KIF13A: variants seen among roughly 807,000 people sequenced by gnomAD.
KIF13A encodes the protein kinesin-like protein KIF13A.
KIF13A carries 79 observed loss-of-function variants against 212.2 expected under a neutral mutation model. That is an observed-to-expected ratio of 0.37 (90% CI 0.31 to 0.45). The LOEUF (loss-of-function observed/expected upper bound fraction) is 0.45, where lower values mean the gene tolerates loss of function less well. Ranked by LOEUF, KIF13A falls within the 20% of genes least tolerant of loss-of-function variation. The probability of loss-of-function intolerance (pLI) is 1.00; values close to 1 mark genes in which losing one functional copy is unlikely to be tolerated. For missense variants in KIF13A, 1,901 were observed against 2,209.0 expected, an observed-to-expected ratio of 0.86 and a Z score of 2.79; for synonymous variants, 789 against 808.6, an observed-to-expected ratio of 0.98 and a Z score of 0.41.
intron 18 of KIF13A, among the ~76,000 whole-genome samples, chr6:17,806,748 G>T: frequency 6.6e-6 from 1 of 151,956 alleles, no homozygotes; most frequent in East Asian, 1.9e-4. Context: ...GTGTGGTGGC[G>T]CATGCCTGTA....
At chr6:17,765,776 ATT>A (rs1306936652) in intron 38 of KIF13A, among the ~76,000 whole-genome samples, 2 of 152,226 alleles carry the variant, frequency 1.3e-5, no homozygotes, top group African/African-American at 4.8e-5. Flanking sequence ...AAATGTGGGT[ATT>A]TTAAGTCCAA....
intron 2 of KIF13A, among the ~76,000 whole-genome samples, chr6:17,986,557 T>G (rs749414067): frequency 6.6e-6 from 1 of 152,218 alleles, no homozygotes; most frequent in African/African-American, 2.4e-5. Flanking sequence ...CCAGCCTGAG[T>G]CTACATCGTA....
intron 3 of KIF13A, among the ~76,000 whole-genome samples, chr6:17,896,487 C>G (rs958117353): frequency 5.9e-5 from 9 of 152,296 alleles, no homozygotes; most frequent in Admixed American, 1.3e-4. Context: ...CCTATATCTA[C>G]TTTGTGTCCA....
At chr6:17,761,136 C>G (rs1383710876), downstream of KIF13A, among the ~76,000 whole-genome samples, 2 of 152,170 alleles carry the variant, frequency 1.3e-5, no homozygotes, top group African/African-American at 4.8e-5. Flanking sequence ...GATGTGCAGT[C>G]TAAGTCATTT....
intron 2 of KIF13A, among the ~76,000 whole-genome samples, chr6:17,959,372 A>C (rs1778624829): frequency 6.6e-6 from 1 of 152,330 alleles, no homozygotes; most frequent in South Asian, 2.1e-4. Context: ...TACTTACACT[A>C]CATTATGTTT....
chr6:17,760,903 A>T (rs373335964), downstream of KIF13A: 47 of 1,613,226 alleles, frequency 2.9e-5, no homozygotes, highest in East Asian at 8.2e-4. Context: ...TGGTGAGTTC[A>T]TGCTTCTCAT....
At chr6:17,941,731 G>A (rs548288000) in intron 2 of KIF13A, among the ~76,000 whole-genome samples, 1 of 150,748 alleles carries the variant, frequency 6.6e-6, no homozygotes, top group African/African-American at 2.4e-5. Flanking sequence ...TACCCATGTT[G>A]AAGGCACCCA....
chr6:17,858,973 T>G (rs532264364), intron 4 of KIF13A, among the ~76,000 whole-genome samples: 9 of 152,346 alleles, frequency 5.9e-5, no homozygotes, highest in Admixed American at 3.9e-4. Flanking sequence ...GAGATTTTAT[T>G]ATGGCTTCTG....
chr6:17,840,011 C>T (rs1324528802), intron 9 of KIF13A, among the ~76,000 whole-genome samples: 1 of 152,060 alleles, frequency 6.6e-6, no homozygotes, highest in Admixed American at 6.6e-5. Context: ...TGTATGATTC[C>T]ATTTATATGA....
In KIF13A at chr6:17,915,242, G is replaced by A. The variant is rs922235350; in HGVS notation, c.147-17062C>T. ...CGGCCTTTTATGAGAGTCAGTCCAGGAGCAGGGATGCAGAAGCCAGACTGC... is the reference window on the plus strand; with the variant it reads ...CGGCCTTTTATGAGAGTCAGTCCAGAAGCAGGGATGCAGAAGCCAGACTGC... On this transcript the variant is annotated intron_variant, in intron 2 of 38. Transcript: ENST00000259711. This position sits in a 1 kb window ranked among gnomAD's most constrained non-coding sequence, Gnocchi z 4.4. Among the ~76,000 whole-genome samples, 4 of 152,144 alleles carry A rather than the reference G, an allele frequency of 2.6e-5. No individual in the cohort carries two copies. The highest frequency in any genetic ancestry group is 9.7e-5 in the African/African-American group (4 of 41,410).
At chr6:17,808,258 C>A (rs751258382) in intron 18 of KIF13A, among the ~76,000 whole-genome samples, 9 of 152,068 alleles carry the variant, frequency 5.9e-5, no homozygotes, top group Non-Finnish European at 1.3e-4. Context: ...TGCTAGTGCG[C>A]GCCTGTAATC....
intron 2 of KIF13A, among the ~76,000 whole-genome samples, chr6:17,942,256 C>G (rs995167610): frequency 2.6e-5 from 4 of 151,756 alleles, no homozygotes; most frequent in African/African-American, 9.7e-5. Flanking sequence ...GAACCATGAT[C>G]ATGCCACTGC....
chr6:17,855,176 A>C lies in KIF13A; in HGVS notation c.494+261T>G, dbSNP rs1768026552. Among the ~76,000 whole-genome samples the C allele has an allele frequency of 6.6e-6, 1 of 152,116 alleles. No individual in the cohort carries two copies. The highest frequency in any genetic ancestry group is 2.1e-4 in the South Asian group (1 of 4,820). Reference sequence around the variant, plus strand: ...GTTATTCCTAACTCAATTTTTGTGAATAGTTCATGGTGGCAAAAAAAAATA... The same window carrying C: ...GTTATTCCTAACTCAATTTTTGTGACTAGTTCATGGTGGCAAAAAAAAATA... On this transcript the variant is annotated intron_variant, in intron 6 of 38. Coordinates refer to ENST00000259711, the MANE Select transcript of KIF13A (RefSeq NM_022113.6). The surrounding 1 kb of genome is among the most constrained non-coding windows in gnomAD (Gnocchi z 4.1).
chr6:17,862,856 G>C (rs1363353112), intron 4 of KIF13A, among the ~76,000 whole-genome samples: 3 of 152,308 alleles, frequency 2.0e-5, no homozygotes, highest in South Asian at 4.1e-4. Context: ...GCTGAGGCAG[G>C]AGAATGGCGT....
chr6:17,938,931 C>T (rs1318016663), intron 2 of KIF13A, among the ~76,000 whole-genome samples: 1 of 151,342 alleles, frequency 6.6e-6, no homozygotes, highest in Non-Finnish European at 1.5e-5. Flanking sequence ...GCCAACCAAT[C>T]TCATGAAATT....
intron 12 of KIF13A, among the ~76,000 whole-genome samples, chr6:17,832,283 A>G (rs1373817892): frequency 6.6e-6 from 1 of 152,204 alleles, no homozygotes; most frequent in Non-Finnish European, 1.5e-5. Context: ...AACTTAAGTA[A>G]AAGTTAAAAT....
intron 2 of KIF13A, among the ~76,000 whole-genome samples, chr6:17,975,628 T>C (rs11753142): frequency 3.9e-5 from 6 of 152,094 alleles, no homozygotes; most frequent in Non-Finnish European, 7.4e-5. Flanking sequence ...TTCTCTTATC[T>C]GGCCCCACCC....
chr6:17,920,182 G>A (rs1053256071), intron 2 of KIF13A, among the ~76,000 whole-genome samples: 1 of 152,084 alleles, frequency 6.6e-6, no homozygotes, highest in Non-Finnish European at 1.5e-5. Flanking sequence ...AATGAGGCAC[G>A]AAATGAAAAG....
intron 9 of KIF13A, among the ~76,000 whole-genome samples, chr6:17,847,739 C>T (rs573162143): frequency 6.6e-6 from 1 of 152,270 alleles, no homozygotes; most frequent in East Asian, 1.9e-4. Flanking sequence ...TCACTGCATA[C>T]TAAGTGCTAG....
Sources: gnomAD v4.1 joint callset for allele counts (sites outside exome capture counted in the v4.1 genomes callset) on GRCh38, gnomAD v4.1.1 for gene constraint, Gnocchi (gnomAD v3.1) non-coding constraint, MANE v1.5 for transcripts, NCBI Gene and HGNC (gene_info 2026-07-23, HGNC 2026-07-21) for gene names.